PALM2AKAP2: variants seen among roughly 807,000 people sequenced by gnomAD.
PALM2AKAP2 encodes PALM2-AKAP2 fusion protein.
In PALM2AKAP2, 37 loss-of-function variants were observed where a neutral mutation model predicts 71.5. The observed-to-expected ratio is 0.52, with a 90% CI of 0.40 to 0.68. The LOEUF is 0.68. Among genes scored for constraint, PALM2AKAP2 ranks in the 30% least tolerant of loss-of-function variants. The pLI is 0.00. For synonymous variants in PALM2AKAP2, 468 were observed against 478.8 expected (o/e 0.98, Z 0.29); for missense variants, 1,224 against 1,191.8 (o/e 1.03, Z -0.40).
intron 6 of PALM2AKAP2, among the ~76,000 whole-genome samples, chr9:109,950,877 C>T (rs553519864): frequency 3.3e-5 from 5 of 152,292 alleles, no homozygotes; most frequent in East Asian, 1.9e-4. Context: ...AGGAACCTCT[C>T]GGTTTCGAGA....
chr9:110,162,553 T>G (rs1836628162), intron 3 of PALM2AKAP2, among the ~76,000 whole-genome samples: 1 of 152,234 alleles, frequency 6.6e-6, no homozygotes, highest in East Asian at 1.9e-4. Flanking sequence ...TTTGTTTACC[T>G]TAACATAAAG....
intron 1 of PALM2AKAP2, among the ~76,000 whole-genome samples, chr9:109,842,163 A>G (rs1440767536): frequency 2.0e-5 from 3 of 152,170 alleles, no homozygotes; most frequent in Non-Finnish European, 4.4e-5. Context: ...TTGTTGTGAC[A>G]ATTCAGAGCA....
intron 1 of PALM2AKAP2, among the ~76,000 whole-genome samples, chr9:109,825,723 G>T (rs369670445): frequency 6.6e-6 from 1 of 152,222 alleles, no homozygotes; most frequent in Non-Finnish European, 1.5e-5. Flanking sequence ...AACAGGTGCT[G>T]GAGAGGATGT....
At chr9:109,770,936 A>G (rs1829252034) in intron 1 of PALM2AKAP2, among the ~76,000 whole-genome samples, 1 of 152,206 alleles carries the variant, frequency 6.6e-6, no homozygotes. Flanking sequence ...TGTATTTCCC[A>G]TTTTACAGAC....
chr9:110,047,533 C>T (rs776468859), upstream of PALM2AKAP2, among the ~76,000 whole-genome samples: 2 of 152,214 alleles, frequency 1.3e-5, no homozygotes, highest in African/African-American at 2.4e-5. Flanking sequence ...CCCAGAAGAG[C>T]ATCCCAGGGC....
intron 1 of PALM2AKAP2, among the ~76,000 whole-genome samples, chr9:109,738,814 A>T (rs1276917430): frequency 6.6e-6 from 1 of 152,222 alleles, no homozygotes; most frequent in African/African-American, 2.4e-5. Context: ...GGCATCTTTG[A>T]TTAAAAAAAT....
At chr9:109,853,972 A>G (rs999690910) in intron 1 of PALM2AKAP2, among the ~76,000 whole-genome samples, 4 of 152,196 alleles carry the variant, frequency 2.6e-5, no homozygotes, top group Non-Finnish European at 5.9e-5. Context: ...GGCTCTTCTT[A>G]GTCTTCTAGG....
At chr9:109,701,707 C>A (rs1169221600) in intron 1 of PALM2AKAP2, among the ~76,000 whole-genome samples, 2 of 152,142 alleles carry the variant, frequency 1.3e-5, no homozygotes, top group Admixed American at 6.6e-5. Flanking sequence ...GTCTAAAACA[C>A]CAAAAGCAAT....
Position 110,100,081 on chromosome 9 carries a change from A to ATATATATATATC in PALM2AKAP2, c.157-36046_157-36045insTATATATATATC, listed in dbSNP as rs1554751767. Among the ~76,000 whole-genome samples, 158 of 144,376 alleles carry ATATATATATATC rather than the reference A, an allele frequency of 1.1e-3. 1 individual carries two copies. Among genetic ancestry groups the ATATATATATATC allele is most frequent in the Admixed American group, 3.3e-3 (46 of 14,076 alleles). The allele number at this position is 144,376 out of a possible 152,430, so 94.7% of individuals were successfully genotyped here. ...TATATATATATATATATATATATAT[A>ATATATATATATC]GAAACATAAATATTTTATCAAGTTG... On this transcript the variant is annotated intron_variant, in intron 1 of 3. Transcript: ENST00000374525.
At chr9:110,109,349 A>G (rs1835189187) in intron 1 of PALM2AKAP2, among the ~76,000 whole-genome samples, 2 of 137,880 alleles carry the variant, frequency 1.5e-5, no homozygotes, top group Non-Finnish European at 3.1e-5. Context: ...AGAAAGAAAG[A>G]AACATTTAAA....
chr9:109,844,931 A>ATGTGTGTGTGTGTGTG (rs71373945), intron 1 of PALM2AKAP2, among the ~76,000 whole-genome samples: 6,016 of 149,314 alleles, frequency 0.04, 143 homozygotes, highest in Admixed American at 0.059. Context: ...CCAGAAAATG[A>ATGTGTGTGTGTGTGTG]TGTGTGTGTG....
chr9:109,685,647 C>T (rs1361403774), intron 1 of PALM2AKAP2, among the ~76,000 whole-genome samples: 1 of 152,008 alleles, frequency 6.6e-6, no homozygotes, highest in African/African-American at 2.4e-5. Context: ...AAAATGTGGA[C>T]AATTACTTGA....
chr9:109,853,719 AT>A (rs1829081186), intron 1 of PALM2AKAP2, among the ~76,000 whole-genome samples: 1 of 152,236 alleles, frequency 6.6e-6, no homozygotes, highest in South Asian at 2.1e-4. Flanking sequence ...TGACTGCCAA[AT>A]TATCCTCTAG....
intron 4 of PALM2AKAP2, among the ~76,000 whole-genome samples, chr9:109,924,106 G>A (rs80291677): frequency 4.5e-4 from 69 of 152,282 alleles, no homozygotes; most frequent in East Asian, 3.3e-3. Flanking sequence ...CCTGCTCTCC[G>A]GATCCCTGAT....
At chr9:110,163,755 A>AAT (rs1836663410) in intron 3 of PALM2AKAP2, among the ~76,000 whole-genome samples, 1 of 152,190 alleles carries the variant, frequency 6.6e-6, no homozygotes, top group African/African-American at 2.4e-5. Flanking sequence ...CCATTGAATG[A>AAT]ATATATCACT....
intron 1 of PALM2AKAP2, among the ~76,000 whole-genome samples, chr9:109,676,029 A>G (rs1233612837): frequency 6.6e-6 from 1 of 152,224 alleles, no homozygotes; most frequent in Admixed American, 6.5e-5. Flanking sequence ...ATTGAGACAA[A>G]TGACCTATTG....
At position 110,028,045 on chromosome 9, in the gene PALM2AKAP2, T is replaced by C. The variant is rs1413642217; in HGVS notation, c.582+12006T>C. Among the ~76,000 whole-genome samples the C allele has an allele frequency of 2.0e-5, 3 of 152,176 alleles. No homozygotes were observed. The East Asian group carries it at 5.8e-4, about 29-fold the overall frequency. ...ATTTTTTAAAAATCCTTGAAACTAT[T>C]CAGGGTAGTGGATCTCAGAGGGGGT... On this transcript the variant is annotated intron_variant, in intron 7 of 9. Transcript: ENST00000302798.
At chr9:110,020,332 T>G (rs1434953291) in intron 7 of PALM2AKAP2, among the ~76,000 whole-genome samples, 3 of 152,186 alleles carry the variant, frequency 2.0e-5, no homozygotes, top group Non-Finnish European at 4.4e-5. Context: ...GATTGTAAGT[T>G]TCCCGAGGCC....
intron 1 of PALM2AKAP2, among the ~76,000 whole-genome samples, chr9:110,111,165 C>T (rs1228930850): frequency 7.4e-6 from 1 of 135,580 alleles, no homozygotes; most frequent in Non-Finnish European, 1.5e-5. Flanking sequence ...GATTACGGCT[C>T]ACTGCAGTCT....
Sources: gnomAD v4.1 joint callset for allele counts (sites outside exome capture counted in the v4.1 genomes callset) on GRCh38, gnomAD v4.1.1 for gene constraint, MANE v1.5 for transcripts, NCBI Gene and HGNC (gene_info 2026-07-23, HGNC 2026-07-21) for gene names.